The following TMEM65 variants were observed in gnomAD, a reference collection of about 807,000 sequenced individuals.
TMEM65 encodes the protein transmembrane protein 65.
Under a neutral mutation model 25.4 loss-of-function variants are expected in TMEM65, and 22 were observed. The observed-to-expected ratio is 0.86, with a 90% confidence interval of 0.62 to 1.23. TMEM65 has a LOEUF of 1.23. Ranked by LOEUF, TMEM65 falls within the 50% of genes most tolerant of loss-of-function variation. The probability of loss-of-function intolerance (pLI) is 0.00; values close to 1 mark genes in which losing one functional copy is unlikely to be tolerated. For missense variants in TMEM65, 262 were observed against 308.2 expected (o/e 0.85, Z 1.12); for synonymous variants, 132 against 126.2 (o/e 1.05, Z -0.31).
intron 1 of TMEM65, among the ~76,000 whole-genome samples, chr8:124,366,528 CT>C (rs1025726135): frequency 3.3e-5 from 5 of 150,752 alleles, no homozygotes; most frequent in East Asian, 1.9e-4. Context: ...TGCCTATATC[CT>C]TTTTTTTTCA....
intron 1 of TMEM65, among the ~76,000 whole-genome samples, chr8:124,340,804 A>T (rs1027854263): frequency 1.1e-4 from 16 of 152,142 alleles, no homozygotes; most frequent in African/African-American, 3.9e-4. Context: ...GCTGAGAAAA[A>T]TGTGCACAAA....
At chr8:124,365,875 A>C (rs1306158739) in intron 1 of TMEM65, among the ~76,000 whole-genome samples, 1 of 152,188 alleles carries the variant, frequency 6.6e-6, no homozygotes, top group Non-Finnish European at 1.5e-5. Flanking sequence ...GACAACTCTA[A>C]GAGAATATGT....
At chr8:124,331,723 G>C (rs748777387) in intron 1 of TMEM65, among the ~76,000 whole-genome samples, 1 of 151,758 alleles carries the variant, frequency 6.6e-6, no homozygotes. Context: ...TTATCATATA[G>C]AGAAGAACCC....
intron 1 of TMEM65, among the ~76,000 whole-genome samples, chr8:124,359,145 T>C (rs1340691661): frequency 6.6e-6 from 1 of 152,192 alleles, no homozygotes; most frequent in African/African-American, 2.4e-5. Flanking sequence ...TTCTACCCCA[T>C]TTGTTTCTTT....
chr8:124,363,749 A>C (rs956740569), intron 1 of TMEM65, among the ~76,000 whole-genome samples: 1 of 143,414 alleles, frequency 7.0e-6, no homozygotes, highest in Non-Finnish European at 1.5e-5. Flanking sequence ...AGGCAGGAGA[A>C]TGGTGTGAAC....
intron 6 of TMEM65, among the ~76,000 whole-genome samples, chr8:124,318,363 GTTTTTGTTTTTT>G (rs1321054127): frequency 2.9e-3 from 212 of 73,844 alleles, no homozygotes; most frequent in Non-Finnish European, 4.0e-3. Flanking sequence ...GAATTTGCAT[GTTTTTGTTTTTT>G]TTTTTTTTTT....
At chr8:124,356,836 T>C (rs1052348506) in intron 1 of TMEM65, among the ~76,000 whole-genome samples, 7 of 152,104 alleles carry the variant, frequency 4.6e-5, no homozygotes, top group Admixed American at 1.3e-4. Flanking sequence ...GCCTCCCAAG[T>C]AGCTGGGACC....
chr8:124,318,892 A>C (rs1330032180), intron 6 of TMEM65, among the ~76,000 whole-genome samples: 1 of 152,060 alleles, frequency 6.6e-6, no homozygotes, highest in Non-Finnish European at 1.5e-5. Context: ...GTCTGCTTCC[A>C]TCCTAGCACT....
At chr8:124,327,671 A>AAC (rs71289656) in intron 2 of TMEM65, among the ~76,000 whole-genome samples, 29,074 of 148,486 alleles carry the variant, frequency 0.2, 2,826 homozygotes, top group Admixed American at 0.26. Context: ...TCTTACTGGT[A>AAC]ACACACACAC....
rs1815038482 is a variant in TMEM65, at chr8:124,372,662, A to AGACGCC, written c.-506_-505insGGCGTC. The AGACGCC allele has an allele frequency of 6.2e-6, 1 of 160,668 alleles. No individual in the cohort carries two copies. The highest frequency in any genetic ancestry group is 2.4e-5 in the African/African-American group (1 of 41,272). The allele number at this position is 160,668 out of a possible 1,614,324, so 10.0% of individuals were successfully genotyped here. A position where few individuals can be genotyped will look rare whatever the true frequency, so the allele number is the denominator to read the frequency against. ...CAAAGCAGCCGCGCTCCCGAGCCGCAGCCGCCGCCGCCGCCGCTACCCCTA... is the reference window on the plus strand; with the variant it reads ...CAAAGCAGCCGCGCTCCCGAGCCGCAGACGCCGCCGCCGCCGCCGCCGCTACCCCTA... On this transcript the variant is annotated 5_prime_UTR_variant, in exon 1 of 7. Transcript: ENST00000297632.
intron 1 of TMEM65, among the ~76,000 whole-genome samples, chr8:124,333,146 A>C (rs1814455539): frequency 6.6e-6 from 1 of 151,562 alleles, no homozygotes; most frequent in Non-Finnish European, 1.5e-5. Context: ...ATGTTAACTG[A>C]ATCAAAACAA....
At chr8:124,329,337 T>TA (rs1310273782) in intron 2 of TMEM65, among the ~76,000 whole-genome samples, 1 of 151,998 alleles carries the variant, frequency 6.6e-6, no homozygotes, top group East Asian at 1.9e-4. Context: ...AATGAAATTC[T>TA]AAAAAATCAC....
intron 1 of TMEM65, among the ~76,000 whole-genome samples, chr8:124,331,421 A>G (rs1168902411): frequency 6.7e-6 from 1 of 148,452 alleles, no homozygotes; most frequent in Non-Finnish European, 1.5e-5. Flanking sequence ...ATTGATATAT[A>G]ATATAACTGA....
intron 1 of TMEM65, chr8:124,351,227 G>T (rs1814703791): frequency 1.7e-6 from 1 of 596,648 alleles, no homozygotes; most frequent in African/African-American, 2.0e-5. Flanking sequence ...TAGTATACAG[G>T]CAGTCTTTAC....
rs1051707897 is a variant in TMEM65 at position 124,308,941 on chromosome 8, CGTA to C, written c.*5016_*5018del. ...GTTACAATGCATTTTCATAATTACA[CGTA>C]GTGTGCCTGCCTTTCCTGCTTCCCC... On this transcript the variant is annotated 3_prime_UTR_variant, in exon 7 of 7. Coordinates refer to ENST00000297632, the MANE Select transcript of TMEM65 (RefSeq NM_194291.3). 14 of 152,162 alleles carry C rather than the reference CGTA, an allele frequency of 9.2e-5. No homozygotes were observed. The highest frequency in any genetic ancestry group is 3.4e-4 in the African/African-American group (14 of 41,428). 9.4% of individuals were successfully genotyped at this position (152,162 alleles called of 1,614,324 possible). A position where few individuals can be genotyped will look rare whatever the true frequency, so the allele number is the denominator to read the frequency against.
chr8:124,344,295 G>A (rs900035325), intron 1 of TMEM65, among the ~76,000 whole-genome samples: 6 of 152,100 alleles, frequency 3.9e-5, no homozygotes, highest in Non-Finnish European at 8.8e-5. Flanking sequence ...AAAATAAAGG[G>A]GAATTTGCCA....
chr8:124,326,733 T>A (rs1814370153), intron 3 of TMEM65, among the ~76,000 whole-genome samples: 2 of 152,060 alleles, frequency 1.3e-5, no homozygotes, highest in African/African-American at 4.8e-5. Context: ...AATATTGGTA[T>A]CCATTAGCAG....
intron 1 of TMEM65, among the ~76,000 whole-genome samples, chr8:124,352,391 T>C (rs1474412022): frequency 2.0e-5 from 3 of 151,866 alleles, no homozygotes; most frequent in Non-Finnish European, 2.9e-5. Flanking sequence ...TTTCTGCCTA[T>C]ACAAATTAGT....
At chr8:124,354,122 C>T (rs1016471526) in intron 1 of TMEM65, among the ~76,000 whole-genome samples, 2 of 152,046 alleles carry the variant, frequency 1.3e-5, no homozygotes, top group African/African-American at 2.4e-5. Context: ...CTCTCAAAGA[C>T]GTGCTACAAA....
Sources: gnomAD v4.1 joint callset for allele counts (sites outside exome capture counted in the v4.1 genomes callset) on GRCh38, gnomAD v4.1.1 for gene constraint, MANE v1.5 for transcripts, NCBI Gene and HGNC (gene_info 2026-07-23, HGNC 2026-07-21) for gene names.